The following NAE1 variants were observed in gnomAD, a reference collection of about 807,000 sequenced individuals.
The protein encoded by NAE1 is NEDD8-activating enzyme E1 regulatory subunit.
In NAE1, 59 loss-of-function variants were observed where a neutral mutation model predicts 88.0. The ratio of observed to expected loss-of-function variants is 0.67; its 90% CI spans 0.54 to 0.83. The LOEUF (loss-of-function observed/expected upper bound fraction) is 0.83. NAE1 is among the 40% of genes least tolerant of loss of function. The probability of loss-of-function intolerance (pLI) is 0.00; values close to 1 mark genes in which losing one functional copy is unlikely to be tolerated. For synonymous variants in NAE1, 186 were observed against 208.9 expected, an observed-to-expected ratio of 0.89 and a Z score of 0.95; for missense variants, 554 against 632.8, an observed-to-expected ratio of 0.88 and a Z score of 1.34.
Position 66,816,659 on chromosome 16 carries a change from A to C in NAE1, c.762T>G (p.Asn254Lys). 6.2e-7 allele frequency: 1 copy of C among 1,608,884 alleles called. No homozygotes were observed. Among genetic ancestry groups the C allele is most frequent in the South Asian group, 1.1e-5 (1 of 90,668 alleles). ...RDLIRQGILK[N>K]ENGAPEDEEN... ...CTTCATCTTCTGGAGCCCCATTTTC[A>C]TTTTTTAGAATTCCTATTGTAATGG... is the stretch of plus-strand genomic sequence containing the variant. The change falls in exon 11 of 20, where the codon AAT becomes AAG. Residue 254 changes from asparagine to lysine, a missense_variant. By Grantham distance (94) the Asn-to-Lys change is moderately conservative. Coordinates refer to ENST00000290810, the MANE Select transcript of NAE1 (RefSeq NM_003905.4).
At chr16:66,803,883 G>A (rs1021488311) in intron 19 of NAE1, among the ~76,000 whole-genome samples, 1 of 151,996 alleles carries the variant, frequency 6.6e-6, no homozygotes, top group African/African-American at 2.4e-5. Flanking sequence ...ATTAGCCACC[G>A]CGCTCAGCCG....
At chr16:66,828,135 G>T (rs770396183) in intron 1 of NAE1, 3 of 1,249,320 alleles carry the variant, frequency 2.4e-6, no homozygotes, top group Non-Finnish European at 3.5e-6. Context: ...ATGGCACGTA[G>T]AAGACACCTG....
rs1046089929 is a variant in NAE1, at chr16:66,805,958, C to T, written c.1399G>A (p.Glu467Lys). The T allele has an allele frequency of 1.4e-5, 23 of 1,613,250 alleles. No homozygotes were observed. The highest frequency in any genetic ancestry group is 1.9e-5 in the Non-Finnish European group (23 of 1,179,776). ...LKSCLTGFLQ[E>K]YGLSVMVKDD... ...TTCACCATTACAGATAAACCATATTCCTGAAGGAAGCCAGTGAGACAAGAC... is the reference window on the plus strand; with the variant it reads ...TTCACCATTACAGATAAACCATATTTCTGAAGGAAGCCAGTGAGACAAGAC... The change falls in exon 18 of 20, where the codon GAA becomes AAA. Residue 467 changes from glutamate to lysine, a missense_variant. By Grantham distance (56) the Glu-to-Lys change is moderately conservative. Coordinates refer to ENST00000290810, the MANE Select transcript of NAE1 (RefSeq NM_003905.4).
chr16:66,830,810 C>T (rs1213579737), intron 1 of NAE1, 37 bp downstream of exon 1: 1 of 1,507,004 alleles, frequency 6.6e-7, no homozygotes, highest in Admixed American at 2.1e-5. Context: ...CTGGAAAGCC[C>T]GCCGGCCCGC....
intron 1 of NAE1, among the ~76,000 whole-genome samples, chr16:66,829,648 A>G (rs1470249700): frequency 6.6e-6 from 1 of 152,184 alleles, no homozygotes; most frequent in Non-Finnish European, 1.5e-5. Flanking sequence ...GAAGGAGGAA[A>G]GCTGAGCAGC....
chr16:66,826,991 G>A (rs374688965), intron 1 of NAE1, among the ~76,000 whole-genome samples: 1 of 152,150 alleles, frequency 6.6e-6, no homozygotes, highest in Non-Finnish European at 1.5e-5. Context: ...GAGGGAGAGG[G>A]TCAAATTAGA....
At chr16:66,824,502 G>A (rs1960384305) in intron 4 of NAE1, 2 of 160,440 alleles carry the variant, frequency 1.2e-5, no homozygotes, top group Admixed American at 6.4e-5. Context: ...TGAGGGAGGA[G>A]AACGGCGTGA....
intron 3 of NAE1, 160 bp downstream of exon 3, chr16:66,826,363 T>C (rs1198459543): frequency 2.8e-5 from 18 of 636,468 alleles, no homozygotes; most frequent in South Asian, 9.8e-5. Context: ...TGCCAGATGC[T>C]GTACTAGCAC....
chr16:66,827,177 G>A (rs1960492105), intron 1 of NAE1, among the ~76,000 whole-genome samples: 1 of 152,050 alleles, frequency 6.6e-6, no homozygotes, highest in Non-Finnish European at 1.5e-5. Flanking sequence ...CACCCAGGCT[G>A]GAGTGTAGTG....
intron 13 of NAE1, among the ~76,000 whole-genome samples, chr16:66,811,959 G>A (rs1959819863): frequency 6.6e-6 from 1 of 152,188 alleles, no homozygotes; most frequent in African/African-American, 2.4e-5. Context: ...CGAGCCAGCA[G>A]ACCTGGATTC....
chr16:66,819,676 G>A (rs1412441610), intron 7 of NAE1, among the ~76,000 whole-genome samples: 1 of 152,162 alleles, frequency 6.6e-6, no homozygotes, highest in African/African-American at 2.4e-5. Context: ...GTTCCAATGA[G>A]TGTTTCCTTT....
chr16:66,809,296 T>G (rs1959694365), intron 15 of NAE1, among the ~76,000 whole-genome samples: 1 of 152,212 alleles, frequency 6.6e-6, no homozygotes, highest in Non-Finnish European at 1.5e-5. Context: ...GCAAGTAAGG[T>G]GATGGCCTCT....
chr16:66,808,854 G>T, intron 16 of NAE1, 135 bp downstream of exon 16: 1 of 638,952 alleles, frequency 1.6e-6, no homozygotes. Context: ...ACCTAGATAA[G>T]CTTAGAATAA....
chr16:66,826,253 G>A (rs1287908603), intron 3 of NAE1: 2 of 445,800 alleles, frequency 4.5e-6, no homozygotes, highest in Non-Finnish European at 8.1e-6. Flanking sequence ...CAAGAGCTTA[G>A]GAAGTGCCCA....
chr16:66,819,249 T>C (rs1351621345), intron 7 of NAE1, among the ~76,000 whole-genome samples: 1 of 152,164 alleles, frequency 6.6e-6, no homozygotes, highest in Non-Finnish European at 1.5e-5. Flanking sequence ...CTTCCTCCTC[T>C]TGTGGTCTTC....
chr16:66,808,506 A>C lies in NAE1; in HGVS notation c.1330+15T>G. 1.4e-6 allele frequency: 2 copies of C among 1,461,168 alleles called. No homozygotes were observed. Among genetic ancestry groups the C allele is most frequent in the South Asian group, 2.4e-5 (2 of 83,716 alleles). The allele number at this position is 1,461,168 out of a possible 1,614,324, so 90.5% of individuals were successfully genotyped here. On this transcript the variant is annotated intron_variant, in intron 17 of 19. Transcript: ENST00000290810. ...AAGATCTTATTATATCTGGTAATTC[A>C]ATTGCTATTCTTACCTGGATATCTA...
At chr16:66,813,726 A>G in intron 12 of NAE1, 29 bp from the exon 13 acceptor site, 1 of 1,610,788 alleles carries the variant, frequency 6.2e-7, no homozygotes, top group Non-Finnish European at 8.5e-7. Flanking sequence ...ATTAACATTA[A>G]GTGGCGTTTT....
At chr16:66,805,224 A>G (rs1212483146) in intron 19 of NAE1, among the ~76,000 whole-genome samples, 20 of 152,208 alleles carry the variant, frequency 1.3e-4, no homozygotes. Context: ...GAGTGGAACC[A>G]AAACACAGGG....
At chr16:66,813,224 C>G (rs540141577) in intron 13 of NAE1, 1 of 195,112 alleles carries the variant, frequency 5.1e-6, no homozygotes, top group African/African-American at 2.4e-5. Context: ...CTCACTGCAG[C>G]CTCAAACTCC....
Sources: gnomAD v4.1 joint callset for allele counts (sites outside exome capture counted in the v4.1 genomes callset) on GRCh38, gnomAD v4.1.1 for gene constraint, MANE v1.5 for transcripts, NCBI Gene and HGNC (gene_info 2026-07-23, HGNC 2026-07-21) for gene names.